Variants in CFAP96 observed in about 807,000 individuals in gnomAD.
CFAP96 encodes cilia-and flagella-associated protein 96.
the CFAP96 span, chr4:185,429,330 G>T: frequency 1.5e-6 from 1 of 687,132 alleles, no homozygotes; most frequent in Non-Finnish European, 2.3e-6. Context: ...TCAATGTAAA[G>T]TAGGACTTTG....
At chr4:185,419,162 C>T in the CFAP96 span, among the ~76,000 whole-genome samples, 8 of 151,634 alleles carry the variant, frequency 5.3e-5, no homozygotes, top group African/African-American at 1.5e-4. Context: ...GATGGAGTCT[C>T]GCTCTGTCGC....
chr4:185,426,227 A>G, the CFAP96 span: 4 of 297,802 alleles, frequency 1.3e-5, no homozygotes, highest in Admixed American at 1.4e-4. Flanking sequence ...ACATCACACA[A>G]TAAACGCCAG....
chr4:185,415,308 T>C, the CFAP96 span: 2 of 1,599,606 alleles, frequency 1.3e-6, no homozygotes, highest in African/African-American at 1.4e-5. Context: ...CCATGTCAGT[T>C]AGTTGATTAT....
At chr4:185,433,768 G>A in the CFAP96 span, among the ~76,000 whole-genome samples, 1 of 152,122 alleles carries the variant, frequency 6.6e-6, no homozygotes, top group Non-Finnish European at 1.5e-5. Context: ...CGGGCGTGGT[G>A]GTGGGCGCCT....
the CFAP96 span, among the ~76,000 whole-genome samples, chr4:185,414,502 T>C: frequency 6.6e-6 from 1 of 152,354 alleles, no homozygotes; most frequent in African/African-American, 2.4e-5. Flanking sequence ...CTGTAGCTAT[T>C]GCTTCTACAA....
chr4:185,428,504 G>A, the CFAP96 span, among the ~76,000 whole-genome samples: 1 of 151,516 alleles, frequency 6.6e-6, no homozygotes, highest in Non-Finnish European at 1.5e-5. Context: ...CCTGGGAGGC[G>A]GAGGTTATAG....
the CFAP96 span, among the ~76,000 whole-genome samples, chr4:185,411,296 C>T: frequency 5.3e-5 from 8 of 151,740 alleles, no homozygotes; most frequent in East Asian, 5.8e-4. Context: ...GAAAATGCTA[C>T]GCCAAAATTG....
chr4:185,445,390 T>A, the CFAP96 span: 4 of 839,136 alleles, frequency 4.8e-6, no homozygotes, highest in East Asian at 9.8e-5. Flanking sequence ...AGCAAATATA[T>A]AGCGCCTCAT....
At chr4:185,439,507 G>A in the CFAP96 span, among the ~76,000 whole-genome samples, 1 of 152,004 alleles carries the variant, frequency 6.6e-6, no homozygotes, top group Admixed American at 6.6e-5. Flanking sequence ...TCAGTTTGTT[G>A]AATGATGAAA....
chr4:185,415,715 C>G, the CFAP96 span: 2 of 1,606,662 alleles, frequency 1.2e-6, no homozygotes, highest in South Asian at 2.2e-5. Context: ...CTTACTTTCC[C>G]CATGTTTCTT....
chr4:185,440,061 G>A, the CFAP96 span, among the ~76,000 whole-genome samples: 8 of 148,848 alleles, frequency 5.4e-5, no homozygotes, highest in African/African-American at 7.5e-5. Context: ...TGTTATATAC[G>A]TATCTCATAT....
the CFAP96 span, among the ~76,000 whole-genome samples, chr4:185,423,861 C>T: frequency 6.6e-6 from 1 of 151,890 alleles, no homozygotes; most frequent in African/African-American, 2.4e-5. Flanking sequence ...AGAAAGAGAG[C>T]GGGAGATTTC....
At chr4:185,445,279 G>T in the CFAP96 span, 1 of 749,164 alleles carries the variant, frequency 1.3e-6, no homozygotes, top group Non-Finnish European at 2.1e-6. Flanking sequence ...CCATGTACAG[G>T]TACCTGCCCT....
the CFAP96 span, chr4:185,408,538 T>A: frequency 8.3e-7 from 1 of 1,203,900 alleles, no homozygotes; most frequent in East Asian, 2.5e-5. Flanking sequence ...GTTAGACTGT[T>A]ACTTTAGTTC....
At chr4:185,442,359 G>A in the CFAP96 span, among the ~76,000 whole-genome samples, 3 of 151,840 alleles carry the variant, frequency 2.0e-5, no homozygotes, top group Non-Finnish European at 2.9e-5. Flanking sequence ...GTAGAGTTTT[G>A]TATTTTATAT....
the CFAP96 span, among the ~76,000 whole-genome samples, chr4:185,413,353 A>G: frequency 6.6e-6 from 1 of 152,202 alleles, no homozygotes; most frequent in East Asian, 1.9e-4. Flanking sequence ...ACACCATTGC[A>G]CTACAGCCTG....
chr4:185,436,439 C>T, the CFAP96 span: 28 of 1,049,868 alleles, frequency 2.7e-5, no homozygotes, highest in East Asian at 1.4e-4. Flanking sequence ...AGGCCGGGCA[C>T]GGTGGCTCAC....
At chr4:185,412,698 G>C in the CFAP96 span, among the ~76,000 whole-genome samples, 2 of 152,134 alleles carry the variant, frequency 1.3e-5, no homozygotes, top group Non-Finnish European at 2.9e-5. Flanking sequence ...TAAAAGTTAA[G>C]AACAGGCCAG....
the CFAP96 span, among the ~76,000 whole-genome samples, chr4:185,420,461 A>G: frequency 3.9e-5 from 6 of 152,144 alleles, no homozygotes; most frequent in African/African-American, 1.4e-4. Context: ...AACCTTGTAA[A>G]TATTTATTCA....
Sources: gnomAD v4.1 joint callset for allele counts (sites outside exome capture counted in the v4.1 genomes callset) on GRCh38, gnomAD v4.1.1 for gene constraint, MANE v1.5 for transcripts, NCBI Gene and HGNC (gene_info 2026-07-23, HGNC 2026-07-21) for gene names.